The following DLGAP2 variants were observed in gnomAD, a reference collection of about 807,000 sequenced individuals.
DLGAP2 encodes the protein disks large-associated protein 2.
DLGAP2 carries 26 observed loss-of-function variants against 100.3 expected under a neutral mutation model. The ratio of observed to expected loss-of-function variants is 0.26; its 90% CI spans 0.19 to 0.36. The LOEUF (loss-of-function observed/expected upper bound fraction) is 0.36, where lower values mean the gene tolerates loss of function less well. Among genes scored for constraint, DLGAP2 ranks in the 10% least tolerant of loss-of-function variants. DLGAP2 has a pLI of 1.00. For missense variants in DLGAP2, 1,858 were observed against 1,453.2 expected (o/e 1.28, Z -4.53); for synonymous variants, 886 against 630.1 (o/e 1.41, Z -6.08).
intron 7 of DLGAP2, among the ~76,000 whole-genome samples, chr8:1,629,048 C>G (rs183593278): frequency 6.6e-5 from 10 of 152,354 alleles, no homozygotes; most frequent in Non-Finnish European, 1.2e-4. Flanking sequence ...CTAAAGCCCT[C>G]CTGGCTGCAG....
chr8:917,942 G>A (rs147717874), intron 2 of DLGAP2, among the ~76,000 whole-genome samples: 164 of 152,312 alleles, frequency 1.1e-3, no homozygotes, highest in African/African-American at 3.5e-3. Flanking sequence ...GGATGACAAT[G>A]AGACTGCCTC....
At chr8:999,437 T>C (rs1057339736) in intron 2 of DLGAP2, among the ~76,000 whole-genome samples, 3 of 152,102 alleles carry the variant, frequency 2.0e-5, no homozygotes, top group Non-Finnish European at 4.4e-5. Context: ...GTTTTGATAG[T>C]TGCTGTCCTG....
chr8:1,080,986 G>A (rs1803787954), intron 2 of DLGAP2, among the ~76,000 whole-genome samples: 2 of 152,052 alleles, frequency 1.3e-5, no homozygotes, highest in African/African-American at 2.4e-5. Context: ...AAAATTATAT[G>A]CATATTACCT....
intron 1 of DLGAP2, among the ~76,000 whole-genome samples, chr8:866,471 C>T (rs940018691): frequency 6.6e-6 from 1 of 152,184 alleles, no homozygotes; most frequent in Non-Finnish European, 1.5e-5. Context: ...TTTCAGTTCC[C>T]GTCTGCATAG....
At position 1,410,850 on chromosome 8, in the gene DLGAP2, T is replaced by A. The variant is rs183766296; in HGVS notation, c.107-90516T>A. On this transcript the variant is annotated intron_variant, in intron 3 of 14. Coordinates refer to ENST00000637795, the MANE Select transcript of DLGAP2 (RefSeq NM_001346810.2). ...TGGAGCCATTTTTTTTTTTTTTTTT[T>A]TAAACTTCCTTGTTTTCAGTTGTCT... Among the ~76,000 whole-genome samples the A allele has an allele frequency of 3.2e-3, 483 of 151,400 alleles. 11 individuals are homozygous for A. In the East Asian group the frequency reaches 0.047, roughly 15 times the overall value.
intron 2 of DLGAP2, among the ~76,000 whole-genome samples, chr8:915,617 G>A (rs1000178993): frequency 1.8e-4 from 27 of 151,404 alleles, no homozygotes; most frequent in African/African-American, 2.4e-4. Context: ...TGCCACAGCC[G>A]CCACCCACTC....
At chr8:1,533,323 C>A (rs2130461812) in intron 4 of DLGAP2, among the ~76,000 whole-genome samples, 1 of 151,904 alleles carries the variant, frequency 6.6e-6, no homozygotes, top group East Asian at 1.9e-4. Context: ...ATGGTGAAAC[C>A]CCGTCTCTAC....
chr8:1,592,603 A>G (rs2130676771), intron 6 of DLGAP2, among the ~76,000 whole-genome samples: 1 of 152,238 alleles, frequency 6.6e-6, no homozygotes, highest in Admixed American at 6.5e-5. Flanking sequence ...CAGGGCTCCC[A>G]TTGCATTACT....
chr8:1,076,909 C>G (rs544818237), intron 2 of DLGAP2, among the ~76,000 whole-genome samples: 1 of 146,986 alleles, frequency 6.8e-6, no homozygotes, highest in Non-Finnish European at 1.5e-5. Context: ...CCCGGCCCCC[C>G]CCAAGACCAA....
chr8:1,390,992 A>G (rs1023499702), intron 3 of DLGAP2, among the ~76,000 whole-genome samples: 6 of 152,340 alleles, frequency 3.9e-5, no homozygotes, highest in African/African-American at 1.4e-4. Flanking sequence ...GGCAGGACGA[A>G]GGGGCAGCAG....
chr8:1,378,917 G>A (rs1399344860), intron 3 of DLGAP2, among the ~76,000 whole-genome samples: 1 of 152,184 alleles, frequency 6.6e-6, no homozygotes, highest in Non-Finnish European at 1.5e-5. Flanking sequence ...TGGCCTCCAA[G>A]TTGTTAAAAC....
chr8:1,195,046 C>A, intron 2 of DLGAP2, among the ~76,000 whole-genome samples: 1 of 152,244 alleles, frequency 6.6e-6, no homozygotes, highest in Non-Finnish European at 1.5e-5. Flanking sequence ...TTGTTCGTTT[C>A]AGAGGCGTCC....
At chr8:1,374,471 T>C (rs891077751) in intron 3 of DLGAP2, among the ~76,000 whole-genome samples, 4 of 152,002 alleles carry the variant, frequency 2.6e-5, no homozygotes, top group Non-Finnish European at 5.9e-5. Flanking sequence ...GTCACCAGAG[T>C]CATTCTGAAA....
At chr8:1,392,695 G>A (rs1301635001) in intron 3 of DLGAP2, among the ~76,000 whole-genome samples, 1 of 152,232 alleles carries the variant, frequency 6.6e-6, no homozygotes, top group Admixed American at 6.5e-5. Flanking sequence ...CCAGGCCTGG[G>A]TCAGCACATC....
chr8:1,173,671 G>T (rs1366038040), intron 2 of DLGAP2, among the ~76,000 whole-genome samples: 1 of 152,316 alleles, frequency 6.6e-6, no homozygotes, highest in Admixed American at 6.5e-5. Context: ...TATGGGCGTA[G>T]GACCCTCTGA....
chr8:1,614,554 C>T (rs1797087257), intron 6 of DLGAP2, among the ~76,000 whole-genome samples: 1 of 152,194 alleles, frequency 6.6e-6, no homozygotes, highest in South Asian at 2.1e-4. Context: ...TACCGGACGA[C>T]CTTGTGCCCA....
chr8:1,268,101 T>C (rs1349229954), intron 3 of DLGAP2, among the ~76,000 whole-genome samples: 2 of 152,302 alleles, frequency 1.3e-5, no homozygotes, highest in East Asian at 3.9e-4. Context: ...AATTCACAAA[T>C]AAACCCTAGT....
At chr8:1,291,914 A>G (rs559498986) in intron 3 of DLGAP2, among the ~76,000 whole-genome samples, 20 of 152,264 alleles carry the variant, frequency 1.3e-4, no homozygotes, top group Non-Finnish European at 2.5e-4. Context: ...GACTATTACA[A>G]AATGTTCACT....
chr8:1,593,924 A>G (rs1338891719), intron 6 of DLGAP2, among the ~76,000 whole-genome samples: 1 of 152,228 alleles, frequency 6.6e-6, no homozygotes, highest in African/African-American at 2.4e-5. Flanking sequence ...TGCACAGAGA[A>G]CTGGCATCTA....
Sources: gnomAD v4.1 joint callset for allele counts (sites outside exome capture counted in the v4.1 genomes callset) on GRCh38, gnomAD v4.1.1 for gene constraint, MANE v1.5 for transcripts, NCBI Gene and HGNC (gene_info 2026-07-23, HGNC 2026-07-21) for gene names.